The following BRD1 variants were observed in gnomAD, a reference collection of about 807,000 sequenced individuals.
The protein encoded by BRD1 is bromodomain-containing protein 1.
A neutral mutation model predicts 107.7 loss-of-function variants in BRD1; 24 were observed. The observed-to-expected ratio is 0.22, with a 90% CI of 0.16 to 0.31. The LOEUF is 0.31. Ranked by LOEUF, BRD1 falls within the 10% of genes least tolerant of loss-of-function variation. The pLI is 1.00. For missense variants in BRD1, 1,279 were observed against 1,638.6 expected, an observed-to-expected ratio of 0.78 and a Z score of 3.79; for synonymous variants, 744 against 686.1, an observed-to-expected ratio of 1.08 and a Z score of -1.32.
At chr22:49,808,399 C>A (rs1416971360) in intron 2 of BRD1, among the ~76,000 whole-genome samples, 2 of 152,192 alleles carry the variant, frequency 1.3e-5, no homozygotes, top group Non-Finnish European at 2.9e-5. Flanking sequence ...TGAAAATGTG[C>A]TCAGTGCAAT....
chr22:49,782,246 G>A (rs2059225009), intron 8 of BRD1, among the ~76,000 whole-genome samples: 1 of 151,394 alleles, frequency 6.6e-6, no homozygotes, highest in Non-Finnish European at 1.5e-5. Context: ...CAATGCAGCT[G>A]GGATGGTCAG....
At chr22:49,775,827 C>T in intron 11 of BRD1, 82 bp from the exon 12 acceptor site, 1 of 1,267,298 alleles carries the variant, frequency 7.9e-7, no homozygotes, top group Non-Finnish European at 1.0e-6. Context: ...CCCCCCCCGC[C>T]TCCCCACCCC....
intron 2 of BRD1, among the ~76,000 whole-genome samples, chr22:49,809,455 C>A (rs141977549): frequency 6.6e-6 from 1 of 151,204 alleles, no homozygotes; most frequent in African/African-American, 2.4e-5. Context: ...GCAGGAGAAT[C>A]GCTTGAACAC....
At chr22:49,808,628 A>G (rs138861) in intron 2 of BRD1, among the ~76,000 whole-genome samples, 54,450 of 152,166 alleles carry the variant, frequency 0.36, 14,185 homozygotes, top group African/African-American at 0.74. Flanking sequence ...CAGCAATATC[A>G]AAGTGCTTCA....
In BRD1 at chr22:49,775,469, C is replaced by A. The variant is rs2059063326; in HGVS notation, c.3386+122G>T. On this transcript the variant is annotated intron_variant, in intron 12 of 12. Transcript: ENST00000404760. ...CAAACAGCGGAGCACTCACCTCCGA[C>A]TTTAGCTGTGCCAGGGCCCAGCAGA... 13 of 1,017,156 alleles carry A rather than the reference C, an allele frequency of 1.3e-5. No homozygotes were observed. In the South Asian group the frequency reaches 5.2e-4, roughly 41 times the overall value. The allele number at this position is 1,017,156 out of a possible 1,614,324, so 63.0% of individuals were successfully genotyped here. A position where few individuals can be genotyped will look rare whatever the true frequency, so the allele number is the denominator to read the frequency against.
In BRD1 at chr22:49,783,647, C is replaced by T. The variant is rs1406341026; in HGVS notation, c.2857+3743G>A. Among the ~76,000 whole-genome samples, 1 of 151,802 alleles carries T rather than the reference C, an allele frequency of 6.6e-6. No individual in the cohort carries two copies. Among genetic ancestry groups the T allele is most frequent in the African/African-American group, 2.4e-5 (1 of 41,292 alleles). ...CTCCTCTGCGTCCTTCGTGACTGTC[C>T]AGAGGGAAGGCTGAGGTGCCACGAC... On this transcript the variant is annotated intron_variant, in intron 8 of 12. Transcript: ENST00000404760. This position sits in a 1 kb window ranked among gnomAD's most constrained non-coding sequence, Gnocchi z 4.2.
chr22:49,824,963 A>C lies in BRD1; in HGVS notation c.-14-632T>G, dbSNP rs138880. ...TATAGACAGGCCCTCCACACGCACA[A>C]CACGGCACAGGGGACCAACAGGGGA... On this transcript the variant is annotated intron_variant, in intron 1 of 12. Coordinates refer to ENST00000404760, the MANE Select transcript of BRD1 (RefSeq NM_001304808.3). This position sits in a 1 kb window ranked among gnomAD's most constrained non-coding sequence, Gnocchi z 5.9. Among the ~76,000 whole-genome samples the C allele has an allele frequency of 0.35, 53,678 of 152,010 alleles. 13,732 individuals are homozygous for C. The highest frequency in any genetic ancestry group is 0.73 in the African/African-American group (30,233 of 41,446).
At chr22:49,784,804 G>C (rs1233389667) in intron 8 of BRD1, among the ~76,000 whole-genome samples, 1 of 152,216 alleles carries the variant, frequency 6.6e-6, no homozygotes, top group Non-Finnish European at 1.5e-5. Context: ...GCACCATTCA[G>C]AGCACGCCCA....
intron 5 of BRD1, 151 bp from the exon 6 acceptor site, chr22:49,798,268 C>CAG (rs954994311): frequency 1.8e-5 from 18 of 974,482 alleles, no homozygotes; most frequent in Non-Finnish European, 2.5e-5. Flanking sequence ...CCAAGTACTG[C>CAG]AGGGACCTTC....
intron 7 of BRD1, 136 bp from the exon 8 acceptor site, chr22:49,788,023 G>A (rs761723437): frequency 2.4e-5 from 22 of 899,716 alleles, no homozygotes; most frequent in Non-Finnish European, 2.6e-5. Flanking sequence ...CTGTCTGCTC[G>A]GCAGTGTGGG....
Position 49,794,119 on chromosome 22 carries a change from C to T in BRD1, c.2274G>A (p.Gln758=), listed in dbSNP as rs1181355167. The stretch of plus-strand genomic sequence containing the variant: ...GCCCCGTGGGCAGGGGCTGGCTGTG[C>T]TGCTGGCTCAGCTTGTTTCGGAGAA... The part of the protein sequence containing the change: ...IALLRNKLSQ[Q]HSQPLPTGPG... Residue 758 remains glutamine, a synonymous_variant, in exon 7 of 13, where the codon CAG becomes CAA. Coordinates refer to ENST00000404760, the MANE Select transcript of BRD1 (RefSeq NM_001304808.3). The T allele has an allele frequency of 6.8e-6, 11 of 1,614,248 alleles. No individual in the cohort carries two copies. In the East Asian group the frequency reaches 2.5e-4, roughly 36 times the overall value.
chr22:49,780,630 C>A (rs551230297), intron 8 of BRD1, among the ~76,000 whole-genome samples: 1 of 152,360 alleles, frequency 6.6e-6, no homozygotes, highest in South Asian at 2.1e-4. Flanking sequence ...GGGGGAGCTG[C>A]AAGGTGGCCT....
chr22:49,787,348 TG>T (rs1569097063), intron 8 of BRD1, 41 bp downstream of exon 8: 2 of 1,280,928 alleles, frequency 1.6e-6, no homozygotes, highest in Admixed American at 4.9e-5. Flanking sequence ...CTCCAGGCAC[TG>T]GTCGGCAAGG....
rs1313467864 is a variant in BRD1, at chr22:49,775,382, G to A, written c.3386+209C>T. On this transcript the variant is annotated intron_variant, in intron 12 of 12. Coordinates refer to ENST00000404760, the MANE Select transcript of BRD1 (RefSeq NM_001304808.3). ...GAAGCCATCGGGCAGAGACAGACCCGGTGCTCAGTGCCCGTCCCACAGTCC... is the reference window on the plus strand; with the variant it reads ...GAAGCCATCGGGCAGAGACAGACCCAGTGCTCAGTGCCCGTCCCACAGTCC... The A allele has an allele frequency of 1.2e-5, 5 of 413,846 alleles. 1 individual carries two copies. Among genetic ancestry groups the A allele is most frequent in the Middle Eastern group, 6.5e-4 (1 of 1,540 alleles). The allele number at this position is 413,846 out of a possible 1,614,324, so 25.6% of individuals were successfully genotyped here. A position where few individuals can be genotyped will look rare whatever the true frequency, so the allele number is the denominator to read the frequency against.
At chr22:49,775,307 G>C (rs1433011871) in intron 12 of BRD1, 1 of 242,360 alleles carries the variant, frequency 4.1e-6, no homozygotes, top group African/African-American at 2.2e-5. Context: ...CATGGGTAAG[G>C]AGTAGGGAAG....
At chr22:49,781,260 C>T (rs1032749570) in intron 8 of BRD1, among the ~76,000 whole-genome samples, 12 of 152,192 alleles carry the variant, frequency 7.9e-5, no homozygotes, top group African/African-American at 9.7e-5. Context: ...GCGCAGTCCC[C>T]GGAAGCCTGC....
At chr22:49,790,569 T>G (rs1461433532) in intron 7 of BRD1, among the ~76,000 whole-genome samples, 1 of 152,226 alleles carries the variant, frequency 6.6e-6, no homozygotes, top group Non-Finnish European at 1.5e-5. Context: ...AAAACCTAGT[T>G]AAGTCTGCAA....
chr22:49,777,292 C>G, intron 9 of BRD1, 131 bp from the exon 10 acceptor site: 1 of 1,397,094 alleles, frequency 7.2e-7, no homozygotes, highest in Non-Finnish European at 9.8e-7. Flanking sequence ...GCCAGACGGG[C>G]CTGTGGGTGC....
At chr22:49,780,902 C>T (rs1431513607) in intron 8 of BRD1, among the ~76,000 whole-genome samples, 1 of 152,198 alleles carries the variant, frequency 6.6e-6, no homozygotes, top group East Asian at 1.9e-4. Context: ...GATGGGTGCC[C>T]GGTCCATGAG....
Sources: gnomAD v4.1 joint callset for allele counts (sites outside exome capture counted in the v4.1 genomes callset) on GRCh38, gnomAD v4.1.1 for gene constraint, Gnocchi (gnomAD v3.1) non-coding constraint, MANE v1.5 for transcripts, NCBI Gene and HGNC (gene_info 2026-07-23, HGNC 2026-07-21) for gene names.